The following CARD8 variants were observed in gnomAD, a reference collection of about 807,000 sequenced individuals.
The protein encoded by CARD8 is caspase recruitment domain-containing protein 8.
A neutral mutation model predicts 53.2 loss-of-function variants in CARD8; 38 were observed. The observed-to-expected ratio is 0.71, with a 90% CI of 0.55 to 0.94. The LOEUF (loss-of-function observed/expected upper bound fraction) is 0.94, where lower values mean the gene tolerates loss of function less well. Ranked by LOEUF, CARD8 falls within the 40% of genes least tolerant of loss-of-function variation. The pLI is 0.00. For synonymous variants in CARD8, 245 were observed against 244.9 expected, an observed-to-expected ratio of 1.00 and a Z score of 0.00; for missense variants, 561 against 655.5, an observed-to-expected ratio of 0.86 and a Z score of 1.57.
At chr19:48,214,350 AG>A (rs577481501) in intron 13 of CARD8, among the ~76,000 whole-genome samples, 45 of 152,252 alleles carry the variant, frequency 3.0e-4, no homozygotes, top group Non-Finnish European at 5.7e-4. Flanking sequence ...AGCCGGCACC[AG>A]GGAAAGGCCG....
chr19:48,221,220 C>G (rs2040569274), intron 11 of CARD8, among the ~76,000 whole-genome samples: 1 of 152,124 alleles, frequency 6.6e-6, no homozygotes, highest in African/African-American at 2.4e-5. Flanking sequence ...TTACATGCGA[C>G]TAAATGTTGA....
intron 1 of CARD8, among the ~76,000 whole-genome samples, chr19:48,254,070 C>T (rs1439355108): frequency 6.6e-6 from 1 of 152,072 alleles, no homozygotes; most frequent in Admixed American, 6.6e-5. Context: ...GTTTAATGCA[C>T]AGATTAAGTT....
chr19:48,232,067 G>T, intron 7 of CARD8: 1 of 579,294 alleles, frequency 1.7e-6, no homozygotes, highest in Non-Finnish European at 3.1e-6. Flanking sequence ...TTTGGTGGGA[G>T]GCACCATTTG....
chr19:48,253,405 C>T (rs542915593), intron 1 of CARD8, among the ~76,000 whole-genome samples: 1 of 152,238 alleles, frequency 6.6e-6, no homozygotes, highest in South Asian at 2.1e-4. Context: ...ATTTTAAATA[C>T]TCATCTGCAA....
intron 10 of CARD8, among the ~76,000 whole-genome samples, chr19:48,222,292 C>A (rs964062194): frequency 9.2e-5 from 14 of 152,154 alleles, no homozygotes; most frequent in African/African-American, 3.4e-4. Context: ...TTACTTCTCT[C>A]CGTCACAGGG....
downstream of CARD8, among the ~76,000 whole-genome samples, chr19:48,206,958 C>T (rs2037371830): frequency 6.6e-6 from 1 of 152,018 alleles, no homozygotes; most frequent in African/African-American, 2.4e-5. Flanking sequence ...AGCGATTGCT[C>T]TCGTACTTCC....
chr19:48,217,970 T>C (rs1241976700), intron 12 of CARD8, among the ~76,000 whole-genome samples: 1 of 152,206 alleles, frequency 6.6e-6, no homozygotes, highest in East Asian at 1.9e-4. Context: ...AATGATTAAA[T>C]TGTGAAGAAA....
intron 5 of CARD8, among the ~76,000 whole-genome samples, chr19:48,235,069 T>A (rs2043633903): frequency 6.6e-6 from 1 of 151,128 alleles, no homozygotes; most frequent in Non-Finnish European, 1.5e-5. Flanking sequence ...TGAGAGGGGT[T>A]GCATAAAGCA....
intron 3 of CARD8, among the ~76,000 whole-genome samples, chr19:48,247,583 G>GAT (rs139115901): frequency 0.028 from 4,161 of 150,712 alleles, 75 homozygotes; most frequent in South Asian, 0.073. Flanking sequence ...AGAAACTCTG[G>GAT]ATATATATAT....
downstream of CARD8, chr19:48,204,072 C>A: frequency 2.3e-6 from 1 of 433,884 alleles, no homozygotes; most frequent in East Asian, 7.3e-5. Context: ...GAGCTCTTTA[C>A]CCGCTGAGCA....
intron 3 of CARD8, among the ~76,000 whole-genome samples, chr19:48,241,265 CT>C (rs927557332): frequency 2.0e-5 from 3 of 151,014 alleles, no homozygotes; most frequent in Admixed American, 6.6e-5. Context: ...TAGAAACTTC[CT>C]TTTTTTTTAG....
intron 5 of CARD8, 50 bp downstream of exon 5, chr19:48,238,333 A>G: frequency 6.6e-7 from 1 of 1,523,052 alleles, no homozygotes; most frequent in Non-Finnish European, 8.8e-7. Context: ...AAACCAATGG[A>G]GCAAAATTCC....
chr19:48,221,720 T>C lies in CARD8; in HGVS notation c.1161+10A>G. 2.0e-6 allele frequency: 3 copies of C among 1,529,878 alleles called. No homozygotes were observed. Among genetic ancestry groups the C allele is most frequent in the Non-Finnish European group, 2.7e-6 (3 of 1,126,304 alleles). The allele number at this position is 1,529,878 out of a possible 1,614,324, so 94.8% of individuals were successfully genotyped here. On this transcript the variant is annotated intron_variant, in intron 11 of 13. Coordinates refer to ENST00000651546, the MANE Select transcript of CARD8 (RefSeq NM_001184900.3). ...TGAAACCTGCTGAGTTGGGTTTGAA[T>C]TCTACTAACCTTGGGCATTACTTTC...
At chr19:48,221,926 T>C in intron 10 of CARD8, 71 bp from the exon 11 acceptor site, 1 of 1,345,360 alleles carries the variant, frequency 7.4e-7, no homozygotes, top group Non-Finnish European at 1.0e-6. Flanking sequence ...TAAAAAGTTA[T>C]TTATATGGTA....
At chr19:48,219,213 C>G (rs112127523) in intron 11 of CARD8, among the ~76,000 whole-genome samples, 1 of 152,180 alleles carries the variant, frequency 6.6e-6, no homozygotes, top group Admixed American at 6.5e-5. Context: ...GAAGAATAAC[C>G]TAGCTGTCAA....
In CARD8 at chr19:48,230,611, A is replaced by C; in HGVS notation, c.862T>G (p.Tyr288Asp). 1 of 1,614,162 alleles carries C rather than the reference A, an allele frequency of 6.2e-7. No homozygotes were observed. Among genetic ancestry groups the C allele is most frequent in the South Asian group, 1.1e-5 (1 of 91,092 alleles). The change falls in exon 10 of 14, where the codon TAT (tyrosine) becomes GAT (aspartate). Residue 288 changes from tyrosine (Y) to aspartate (D), a missense_variant. Tyr to Asp is a radical substitution (Grantham distance 160). Transcript: ENST00000651546. The part of the protein sequence containing the change: ...LEHPARVEPF[Y>D]AVLESPSFSL... ...AAGCTGGGGCTTTCCAGGACAGCATAGAAAGGCTCCACCCGGGCTGGATGC... is the reference window on the plus strand; with the variant it reads ...AAGCTGGGGCTTTCCAGGACAGCATCGAAAGGCTCCACCCGGGCTGGATGC...
rs900168415 is a variant in CARD8 at position 48,226,751 on chromosome 19, C to T, written c.1035+3687G>A. Reference sequence around the variant, plus strand: ...CACTAAAGCTGGCAGTGAAGCTGAACGGAGTAAAACTGGTTCAAGTTATGC... The same window carrying T: ...CACTAAAGCTGGCAGTGAAGCTGAATGGAGTAAAACTGGTTCAAGTTATGC... On this transcript the variant is annotated intron_variant, in intron 10 of 13. Coordinates refer to ENST00000651546, the MANE Select transcript of CARD8 (RefSeq NM_001184900.3). Among the ~76,000 whole-genome samples, 5 of 151,954 alleles carry T rather than the reference C, an allele frequency of 3.3e-5. No individual in the cohort carries two copies. The East Asian group carries it at 5.8e-4, about 18-fold the overall frequency.
At chr19:48,245,808 G>C (rs1240511819) in intron 3 of CARD8, among the ~76,000 whole-genome samples, 2 of 147,296 alleles carry the variant, frequency 1.4e-5, no homozygotes, top group Admixed American at 1.4e-4. Context: ...ATTGTATATT[G>C]TATTATATAT....
chr19:48,223,197 G>A lies in CARD8; in HGVS notation c.1036-1342C>T, dbSNP rs867905470. Reference sequence around the variant, plus strand: ...TGAGTGCCTATAATACCAGCTACTCGGGAGGCTGAGGCAGGAGAATCGCAT... The same window carrying A: ...TGAGTGCCTATAATACCAGCTACTCAGGAGGCTGAGGCAGGAGAATCGCAT... On this transcript the variant is annotated intron_variant, in intron 10 of 13. Coordinates refer to ENST00000651546, the MANE Select transcript of CARD8 (RefSeq NM_001184900.3). 6.5e-4 allele frequency among the ~76,000 whole-genome samples: 99 copies of A among 151,682 alleles called. 1 individual carries two copies. Among genetic ancestry groups the A allele is most frequent in the Middle Eastern group, 3.2e-3 (1 of 316 alleles).
Sources: gnomAD v4.1 joint callset for allele counts (sites outside exome capture counted in the v4.1 genomes callset) on GRCh38, gnomAD v4.1.1 for gene constraint, MANE v1.5 for transcripts, NCBI Gene and HGNC (gene_info 2026-07-23, HGNC 2026-07-21) for gene names.